The following CACNB4 variants were observed in gnomAD, a reference collection of about 807,000 sequenced individuals.
CACNB4 encodes the protein calcium voltage-gated channel auxiliary subunit beta 4, also known as voltage-dependent L-type calcium channel subunit beta-4.
CACNB4 carries 32 observed loss-of-function variants against 71.2 expected under a neutral mutation model. That is an observed-to-expected ratio of 0.45 (90% CI 0.34 to 0.60). The LOEUF is 0.60. Among genes scored for constraint, CACNB4 ranks in the 20% least tolerant of loss-of-function variants. The pLI, the probability that CACNB4 is intolerant of heterozygous loss-of-function variation, is 0.01. For missense variants in CACNB4, 464 were observed against 647.9 expected (o/e 0.72, Z 3.08); for synonymous variants, 231 against 236.9 (o/e 0.97, Z 0.23).
At chr2:151,880,668 G>C (rs139756303) in intron 4 of CACNB4, 132 bp downstream of exon 4, 3 of 855,070 alleles carry the variant, frequency 3.5e-6, no homozygotes, top group South Asian at 3.3e-5. Context: ...CTAGATTTGG[G>C]AGGCTCAGCA....
intron 2 of CACNB4, among the ~76,000 whole-genome samples, chr2:152,038,273 C>A (rs1189468697): frequency 1.3e-5 from 2 of 152,226 alleles, no homozygotes. Flanking sequence ...GTAACTCTCA[C>A]ACCAGAGTGT....
chr2:152,098,697 G>C lies in CACNB4; in HGVS notation c.63+252C>G. On this transcript the variant is annotated intron_variant, in intron 1 of 13. Transcript: ENST00000539935. This position sits in a 1 kb window ranked among gnomAD's most constrained non-coding sequence, Gnocchi z 5.3. ...GGGTCCGAGTCCCCGGCATCCGCTG[G>C]GGGAGGCTGCGGGCTCCGGAGCGGG... 1 of 1,562,174 alleles carries C rather than the reference G, an allele frequency of 6.4e-7. No homozygotes were observed. The highest frequency in any genetic ancestry group is 1.2e-5 in the South Asian group (1 of 84,644).
chr2:151,864,443 C>G (rs779389206), intron 9 of CACNB4, among the ~76,000 whole-genome samples: 1 of 152,162 alleles, frequency 6.6e-6, no homozygotes, highest in South Asian at 2.1e-4. Context: ...ACAGATTCAT[C>G]AAAAAATAAT....
At chr2:152,018,838 C>CACACACAG (rs1490588568) in intron 2 of CACNB4, among the ~76,000 whole-genome samples, 2 of 150,716 alleles carry the variant, frequency 1.3e-5, no homozygotes, top group African/African-American at 4.9e-5. Context: ...CACACACACA[C>CACACACAG]AGACAAAGGT....
intron 2 of CACNB4, among the ~76,000 whole-genome samples, chr2:151,991,482 CTT>C (rs1257003805): frequency 1.3e-5 from 2 of 152,258 alleles, no homozygotes; most frequent in East Asian, 1.9e-4. Context: ...TTCATTGTCT[CTT>C]GTTATAATTT....
At chr2:151,992,311 T>C (rs1301778336) in intron 2 of CACNB4, among the ~76,000 whole-genome samples, 1 of 152,364 alleles carries the variant, frequency 6.6e-6, no homozygotes, top group African/African-American at 2.4e-5. Flanking sequence ...CAATGCAGCA[T>C]GGCAAGCTAC....
chr2:152,004,965 A>G lies in CACNB4; in HGVS notation c.147+93365T>C, dbSNP rs138007349. Among the ~76,000 whole-genome samples, 524 of 152,324 alleles carry G rather than the reference A, an allele frequency of 3.4e-3. 4 individuals are homozygous for G. The highest frequency in any genetic ancestry group is 0.012 in the African/African-American group (508 of 41,574). On this transcript the variant is annotated intron_variant, in intron 2 of 13. Coordinates refer to ENST00000539935, the MANE Select transcript of CACNB4 (RefSeq NM_000726.5). Reference sequence around the variant, plus strand: ...ACTCTTGGATGCAAATCAAAACCACAATGAGACACCATCTCACACCAGTCA... The same window carrying G: ...ACTCTTGGATGCAAATCAAAACCACGATGAGACACCATCTCACACCAGTCA...
intron 2 of CACNB4, among the ~76,000 whole-genome samples, chr2:151,964,599 C>T (rs553117186): frequency 5.3e-5 from 8 of 152,250 alleles, no homozygotes; most frequent in African/African-American, 9.6e-5. Context: ...GCCAATATAA[C>T]TGCAAGACAA....
At chr2:151,989,436 T>C (rs1277167567) in intron 2 of CACNB4, among the ~76,000 whole-genome samples, 2 of 152,344 alleles carry the variant, frequency 1.3e-5, no homozygotes, top group Non-Finnish European at 2.9e-5. Context: ...CAATTTCTAA[T>C]AGAACCTCGT....
At chr2:151,968,583 T>G (rs1401322073) in intron 2 of CACNB4, 1 of 152,040 alleles carries the variant, frequency 6.6e-6, no homozygotes, top group Non-Finnish European at 1.5e-5. Flanking sequence ...GACATAGAAA[T>G]AAGGTCCAAG....
chr2:152,002,349 A>AT (rs944859359), intron 2 of CACNB4, among the ~76,000 whole-genome samples: 48 of 152,210 alleles, frequency 3.2e-4, no homozygotes, highest in African/African-American at 1.1e-3. Flanking sequence ...TAGGAAGACA[A>AT]TTTTTTTAAT....
At chr2:151,958,326 G>A (rs62175752) in intron 2 of CACNB4, among the ~76,000 whole-genome samples, 4,378 of 152,276 alleles carry the variant, frequency 0.029, 64 homozygotes, top group African/African-American at 0.039. Context: ...AGCCATAACC[G>A]ATTATTTGGC....
chr2:151,951,855 A>G (rs2099866982), intron 2 of CACNB4, among the ~76,000 whole-genome samples: 1 of 152,206 alleles, frequency 6.6e-6, no homozygotes, highest in South Asian at 2.1e-4. Flanking sequence ...AGAACTTTCT[A>G]GTAAACAAAG....
intron 2 of CACNB4, among the ~76,000 whole-genome samples, chr2:151,922,511 A>G (rs943399356): frequency 6.6e-6 from 1 of 152,304 alleles, no homozygotes; most frequent in East Asian, 1.9e-4. Context: ...TTAATAAGCA[A>G]CTTTAACTCC....
At chr2:152,056,430 G>A (rs867221691) in intron 2 of CACNB4, among the ~76,000 whole-genome samples, 7 of 151,544 alleles carry the variant, frequency 4.6e-5, no homozygotes, top group African/African-American at 9.7e-5. Flanking sequence ...CAGTTTATCC[G>A]CTACAATTAT....
chr2:152,042,120 C>T (rs981746341), intron 2 of CACNB4, among the ~76,000 whole-genome samples: 2 of 152,190 alleles, frequency 1.3e-5, no homozygotes, highest in Admixed American at 6.5e-5. Flanking sequence ...GTGCCTAGGG[C>T]CAGGTAAATG....
At chr2:151,968,053 T>C (rs1393010921) in intron 2 of CACNB4, 1 of 152,212 alleles carries the variant, frequency 6.6e-6, no homozygotes, top group Admixed American at 6.5e-5. Flanking sequence ...GCTGTAAAAA[T>C]AGCCACACAG....
chr2:151,992,532 T>A (rs1579086825), intron 2 of CACNB4, among the ~76,000 whole-genome samples: 1 of 152,198 alleles, frequency 6.6e-6, no homozygotes, highest in Non-Finnish European at 1.5e-5. Context: ...AACAACTAAG[T>A]GTATACCTAT....
chr2:151,838,867 T>C lies in CACNB4; in HGVS notation c.*252A>G. The C allele has an allele frequency of 3.0e-6, 1 of 333,894 alleles. No homozygotes were observed. The highest frequency in any genetic ancestry group is 5.5e-6 in the Non-Finnish European group (1 of 182,558). 20.7% of individuals were successfully genotyped at this position (333,894 alleles called of 1,614,324 possible). A position where few individuals can be genotyped will look rare whatever the true frequency, so the allele number is the denominator to read the frequency against. On this transcript the variant is annotated 3_prime_UTR_variant, in exon 14 of 14. Coordinates refer to ENST00000539935, the MANE Select transcript of CACNB4 (RefSeq NM_000726.5). ...TTACAAATTGATGTGTCTAAATCTA[T>C]GAAGAAAACAAAATGTACTGTTATC... is the stretch of plus-strand genomic sequence containing the variant.
Sources: gnomAD v4.1 joint callset for allele counts (sites outside exome capture counted in the v4.1 genomes callset) on GRCh38, gnomAD v4.1.1 for gene constraint, Gnocchi (gnomAD v3.1) non-coding constraint, MANE v1.5 for transcripts, NCBI Gene and HGNC (gene_info 2026-07-23, HGNC 2026-07-21) for gene names.